RTN4: variants seen among roughly 807,000 people sequenced by gnomAD.
The protein encoded by RTN4 is reticulon 4, also known as reticulon-4.
Under a neutral mutation model 90.4 loss-of-function variants are expected in RTN4, and 32 were observed. That is an observed-to-expected ratio of 0.35 (90% CI 0.27 to 0.48). The LOEUF (loss-of-function observed/expected upper bound fraction) is 0.48. RTN4 is among the 20% of genes least tolerant of loss of function. The pLI is 0.99. For synonymous variants in RTN4, 629 were observed against 552.5 expected (o/e 1.14, Z -1.94); for missense variants, 1,706 against 1,430.2 (o/e 1.19, Z -3.11).
In RTN4 at chr2:55,025,788, G is replaced by T. The variant is rs1251404591; in HGVS notation, c.2311C>A (p.Leu771Ile). The T allele has an allele frequency of 6.2e-6, 10 of 1,613,558 alleles. No individual in the cohort carries two copies. Among genetic ancestry groups the T allele is most frequent in the Non-Finnish European group, 1.7e-6 (2 of 1,179,800 alleles). Residue 771 changes from leucine (L) to isoleucine (I), a missense_variant, in exon 3 of 9, where the codon CTC (leucine) becomes ATC (isoleucine). By Grantham distance (5) the Leu-to-Ile change is conservative. Transcript: ENST00000337526. The stretch of plus-strand genomic sequence containing the variant: ...ATTGACTCAAATGAAGTCTCAGTGA[G>T]ACTTTCTTTCACAAGCATCACAGTT... ...DETVMLVKES[L>I]TETSFESMIE...
At chr2:54,996,429 T>C (rs946063661) in intron 3 of RTN4, among the ~76,000 whole-genome samples, 6 of 152,094 alleles carry the variant, frequency 3.9e-5, no homozygotes, top group African/African-American at 1.2e-4. Context: ...CCTCCCTATA[T>C]CAAAACTTCC....
At chr2:55,085,463 T>G (rs898230208) in intron 1 of RTN4, among the ~76,000 whole-genome samples, 8 of 152,216 alleles carry the variant, frequency 5.3e-5, no homozygotes, top group Middle Eastern at 3.2e-3. Flanking sequence ...GATGGCAGTC[T>G]AGAGGCAGAA....
chr2:55,070,265 C>T (rs1023161137), intron 2 of RTN4, among the ~76,000 whole-genome samples: 1 of 152,144 alleles, frequency 6.6e-6, no homozygotes, highest in East Asian at 1.9e-4. Context: ...CTCCCCACCC[C>T]CCCAAACAAA....
chr2:55,112,999 A>T (rs1032496463), upstream of RTN4, among the ~76,000 whole-genome samples: 3 of 152,234 alleles, frequency 2.0e-5, no homozygotes, highest in Non-Finnish European at 4.4e-5. Context: ...TTGTGGCAAG[A>T]TCAACGTGAG....
At chr2:55,070,831 C>A (rs192798074) in intron 2 of RTN4, among the ~76,000 whole-genome samples, 5 of 151,826 alleles carry the variant, frequency 3.3e-5, no homozygotes, top group Admixed American at 6.6e-5. Flanking sequence ...GGCTGGAGTA[C>A]AGTGGTGCGA....
intron 3 of RTN4, among the ~76,000 whole-genome samples, chr2:55,001,862 T>C (rs1019530267): frequency 3.3e-5 from 5 of 152,202 alleles, no homozygotes. Flanking sequence ...CATTTTGTGC[T>C]AGTATACAAT....
the RTN4 span, among the ~76,000 whole-genome samples, chr2:55,121,751 T>C: frequency 6.6e-6 from 1 of 152,220 alleles, no homozygotes; most frequent in Non-Finnish European, 1.5e-5. Flanking sequence ...GACTTAAACT[T>C]GAACAGTAAT....
At chr2:55,012,965 TC>T (rs1680749800) in intron 3 of RTN4, among the ~76,000 whole-genome samples, 1 of 152,222 alleles carries the variant, frequency 6.6e-6, no homozygotes, top group African/African-American at 2.4e-5. Flanking sequence ...TATTTTGTTT[TC>T]CTTCAACTAC....
chr2:55,087,131 A>C (rs531597061), intron 1 of RTN4, among the ~76,000 whole-genome samples: 1 of 152,246 alleles, frequency 6.6e-6, no homozygotes, highest in South Asian at 2.1e-4. Flanking sequence ...GTCATCCAAC[A>C]ATTTGGGTGG....
chr2:55,002,325 C>T (rs909355134), intron 3 of RTN4, among the ~76,000 whole-genome samples: 5 of 152,154 alleles, frequency 3.3e-5, no homozygotes, highest in African/African-American at 1.2e-4. Context: ...TCCCAAAGTG[C>T]TAGGATTACA....
At chr2:55,016,484 G>A (rs1341160902) in intron 3 of RTN4, among the ~76,000 whole-genome samples, 1 of 152,136 alleles carries the variant, frequency 6.6e-6, no homozygotes, top group Non-Finnish European at 1.5e-5. Context: ...TCGGGAGGCT[G>A]AGGCACGAGA....
At chr2:55,056,213 G>A (rs1233829894) in intron 2 of RTN4, among the ~76,000 whole-genome samples, 1 of 152,132 alleles carries the variant, frequency 6.6e-6, no homozygotes, top group Non-Finnish European at 1.5e-5. Flanking sequence ...CTCAAGGGAG[G>A]TGAATCATCC....
intron 4 of RTN4, 102 bp from the exon 5 acceptor site, chr2:54,982,755 C>T: frequency 1.5e-6 from 2 of 1,315,222 alleles, no homozygotes; most frequent in Non-Finnish European, 2.1e-6. Context: ...AAATATTCTA[C>T]TATAAAAGCC....
the RTN4 span, among the ~76,000 whole-genome samples, chr2:55,128,905 G>C: frequency 2.0e-5 from 3 of 151,946 alleles, no homozygotes; most frequent in African/African-American, 7.2e-5. Context: ...TCAGGAGTTC[G>C]AGACCAGCCT....
intron 3 of RTN4, among the ~76,000 whole-genome samples, chr2:55,005,237 T>G (rs1157597002): frequency 6.6e-6 from 1 of 152,172 alleles, no homozygotes; most frequent in Non-Finnish European, 1.5e-5. Context: ...AGAGTAATTT[T>G]AATTTCGCTG....
chr2:55,050,287 TC>T lies in RTN4; in HGVS notation c.13del (p.Asp5ThrfsTer24). 1 of 1,449,212 alleles carries T rather than the reference TC, an allele frequency of 6.9e-7. No homozygotes were observed. The allele number at this position is 1,449,212 out of a possible 1,614,324, so 89.8% of individuals were successfully genotyped here. ...CGAGGACGAGACCAGAGGAGACTGG[TC>T]CAGGTCTTCCATGGCTGGAGGGTGG... The part of the protein sequence containing the change: MEDL[D>X]QSPLVSSSDS... On this transcript the variant is annotated frameshift_variant, in exon 1 of 9. Coordinates refer to ENST00000337526, the MANE Select transcript of RTN4 (RefSeq NM_020532.5). LOFTEE classifies it high-confidence loss of function. The surrounding 1 kb of genome is among the most constrained non-coding windows in gnomAD (Gnocchi z 4.6).
rs1333781205 is a variant in RTN4, at chr2:55,049,737, G to A, written c.556+8C>T. 1 of 1,387,000 alleles carries A rather than the reference G, an allele frequency of 7.2e-7. No homozygotes were observed. 85.9% of individuals were successfully genotyped at this position (1,387,000 alleles called of 1,614,324 possible). A position where few individuals can be genotyped will look rare whatever the true frequency, so the allele number is the denominator to read the frequency against. ...GGGCGGCGCGAAGCGAGAGGTCGCG[G>A]CACTCACCCACTGAGCCCGAGGAGC... On this transcript the variant is annotated splice_region_variant and intron_variant, in intron 1 of 8. Transcript: ENST00000337526.
intron 2 of RTN4, among the ~76,000 whole-genome samples, chr2:55,071,207 T>C (rs750433042): frequency 1.8e-4 from 27 of 151,882 alleles, no homozygotes; most frequent in Non-Finnish European, 3.2e-4. Context: ...GTCTCTTGCT[T>C]GTGATCTACA....
At chr2:55,030,581 GATA>G (rs1399060527) in intron 1 of RTN4, among the ~76,000 whole-genome samples, 3 of 152,086 alleles carry the variant, frequency 2.0e-5, no homozygotes, top group Non-Finnish European at 4.4e-5. Context: ...GTAAAATAAG[GATA>G]ATAAGAGTAC....
Sources: gnomAD v4.1 joint callset for allele counts (sites outside exome capture counted in the v4.1 genomes callset) on GRCh38, gnomAD v4.1.1 for gene constraint, Gnocchi (gnomAD v3.1) non-coding constraint, MANE v1.5 for transcripts, NCBI Gene and HGNC (gene_info 2026-07-23, HGNC 2026-07-21) for gene names.